The following CACNA2D3 variants were observed in gnomAD, a reference collection of about 807,000 sequenced individuals.
CACNA2D3 encodes the protein calcium voltage-gated channel auxiliary subunit alpha2delta 3.
A neutral mutation model predicts 160.6 loss-of-function variants in CACNA2D3; 60 were observed. That is an observed-to-expected ratio of 0.37 (90% CI 0.30 to 0.46). The LOEUF is 0.46. CACNA2D3 is among the 20% of genes least tolerant of loss of function. The pLI is 1.00. For synonymous variants in CACNA2D3, 558 were observed against 492.9 expected (o/e 1.13, Z -1.75); for missense variants, 1,205 against 1,365.0 (o/e 0.88, Z 1.85).
At chr3:54,723,021 C>T (rs561218156) in intron 11 of CACNA2D3, among the ~76,000 whole-genome samples, 270 of 152,346 alleles carry the variant, frequency 1.8e-3, no homozygotes, top group African/African-American at 6.1e-3. Flanking sequence ...GGTACTCTGT[C>T]CCAGAGAGAT....
chr3:54,612,637 G>A (rs72868869), intron 9 of CACNA2D3, among the ~76,000 whole-genome samples: 1,839 of 152,240 alleles, frequency 0.012, 45 homozygotes, highest in African/African-American at 0.042. Flanking sequence ...GGTGAGTAGA[G>A]ATATATTAAT....
intron 17 of CACNA2D3, among the ~76,000 whole-genome samples, chr3:54,859,710 G>A (rs375006036): frequency 7.4e-4 from 113 of 152,142 alleles, no homozygotes; most frequent in South Asian, 3.5e-3. Flanking sequence ...AATGACAAAC[G>A]GACCTACCAG....
At chr3:54,966,392 C>T (rs1702150813) in intron 27 of CACNA2D3, among the ~76,000 whole-genome samples, 1 of 152,192 alleles carries the variant, frequency 6.6e-6, no homozygotes, top group Non-Finnish European at 1.5e-5. Flanking sequence ...GAAATGTTCT[C>T]CAATGCTGGG....
intron 31 of CACNA2D3, among the ~76,000 whole-genome samples, chr3:54,999,887 C>G (rs1186013962): frequency 6.6e-6 from 1 of 152,206 alleles, no homozygotes; most frequent in African/African-American, 2.4e-5. Flanking sequence ...AGGCTCTACC[C>G]AGCATGGGTG....
At chr3:54,808,600 C>G (rs964261587) in intron 13 of CACNA2D3, among the ~76,000 whole-genome samples, 1 of 152,030 alleles carries the variant, frequency 6.6e-6, no homozygotes, top group African/African-American at 2.4e-5. Flanking sequence ...TGGGTAATGT[C>G]CAGATCATGG....
chr3:54,683,059 A>G (rs1700384240), intron 11 of CACNA2D3, among the ~76,000 whole-genome samples: 1 of 152,246 alleles, frequency 6.6e-6, no homozygotes, highest in Non-Finnish European at 1.5e-5. Context: ...TATAGATTGT[A>G]TCCTCTTCCC....
At chr3:54,746,772 C>G (rs1001641807) in intron 11 of CACNA2D3, among the ~76,000 whole-genome samples, 1 of 152,050 alleles carries the variant, frequency 6.6e-6, no homozygotes, top group Admixed American at 6.6e-5. Context: ...GTCTCCAAAC[C>G]TTCCTTTCCT....
Position 54,838,032 on chromosome 3 carries a change from T to A in CACNA2D3, c.1471-536T>A, listed in dbSNP as rs559387192. 2.0e-5 allele frequency among the ~76,000 whole-genome samples: 3 copies of A among 152,320 alleles called. No homozygotes were observed. In the East Asian group the frequency reaches 5.8e-4, roughly 29 times the overall value. ...ACTGAAAAGTTTTAGCAAATCACAA[T>A]GGCTACATGCCTTGGAAAATGGGGC... On this transcript the variant is annotated intron_variant, in intron 15 of 37. Transcript: ENST00000474759.
chr3:54,991,200 C>T (rs1189923830), intron 31 of CACNA2D3, among the ~76,000 whole-genome samples: 1 of 151,858 alleles, frequency 6.6e-6, no homozygotes, highest in Non-Finnish European at 1.5e-5. Flanking sequence ...AAATGTGGGG[C>T]CCTGTGTTCA....
chr3:54,926,326 A>T (rs1559632705), intron 27 of CACNA2D3, among the ~76,000 whole-genome samples: 1 of 152,192 alleles, frequency 6.6e-6, no homozygotes, highest in Non-Finnish European at 1.5e-5. Context: ...GAAGCTAGGC[A>T]CAGAAAAGCT....
chr3:54,486,393 A>T (rs1210459401), intron 4 of CACNA2D3, among the ~76,000 whole-genome samples: 1 of 152,172 alleles, frequency 6.6e-6, no homozygotes, highest in South Asian at 2.1e-4. Flanking sequence ...AGGGAAGCCA[A>T]CCTAACTGCA....
At chr3:54,461,364 C>T (rs1343042349) in intron 4 of CACNA2D3, among the ~76,000 whole-genome samples, 1 of 150,906 alleles carries the variant, frequency 6.6e-6, no homozygotes, top group African/African-American at 2.4e-5. Context: ...CCAGTTCCTC[C>T]TTGTACCTCT....
chr3:54,269,895 G>A (rs1228691499), intron 2 of CACNA2D3, among the ~76,000 whole-genome samples: 1 of 152,206 alleles, frequency 6.6e-6, no homozygotes, highest in Non-Finnish European at 1.5e-5. Flanking sequence ...TGACACTTGA[G>A]AAAAGACCTT....
intron 4 of CACNA2D3, among the ~76,000 whole-genome samples, chr3:54,412,621 T>TTTTTTTTTTTTA (rs1699687997): frequency 2.0e-5 from 3 of 149,266 alleles, no homozygotes; most frequent in Admixed American, 6.7e-5. Flanking sequence ...TTTTTTTTTT[T>TTTTTTTTTTTTA]AGTCTGACAA....
chr3:55,001,065 A>T lies in CACNA2D3; in HGVS notation c.2691-3698A>T, dbSNP rs151148797. 1.2e-3 allele frequency among the ~76,000 whole-genome samples: 179 copies of T among 152,268 alleles called. 1 individual carries two copies. Among genetic ancestry groups the T allele is most frequent in the Middle Eastern group, 6.8e-3 (2 of 294 alleles). On this transcript the variant is annotated intron_variant, in intron 31 of 37. Coordinates refer to ENST00000474759, the MANE Select transcript of CACNA2D3 (RefSeq NM_018398.3). The stretch of plus-strand genomic sequence containing the variant: ...AATGGAGATGATTATAATCTATCTT[A>T]TAGGGATGTGTTTAGAGGAGTACCT...
intron 2 of CACNA2D3, among the ~76,000 whole-genome samples, chr3:54,252,370 G>A (rs989329829): frequency 6.6e-6 from 1 of 152,154 alleles, no homozygotes; most frequent in Admixed American, 6.5e-5. Context: ...TATGATAGGA[G>A]CATGGGATCA....
chr3:54,868,265 A>C (rs1163962269), intron 17 of CACNA2D3, among the ~76,000 whole-genome samples: 2 of 152,180 alleles, frequency 1.3e-5, no homozygotes, highest in African/African-American at 4.8e-5. Flanking sequence ...AAAAGACCCA[A>C]ATGAAAAGTG....
intron 5 of CACNA2D3, among the ~76,000 whole-genome samples, chr3:54,534,960 C>G (rs558050361): frequency 2.0e-5 from 3 of 152,188 alleles, no homozygotes; most frequent in Non-Finnish European, 4.4e-5. Context: ...ATAAATGATT[C>G]CTATCTTCTC....
intron 14 of CACNA2D3, 146 bp downstream of exon 14, chr3:54,817,016 A>G: frequency 2.2e-6 from 2 of 906,528 alleles, no homozygotes; most frequent in Non-Finnish European, 3.4e-6. Flanking sequence ...GCAGGAACAG[A>G]GAGGCCAGCA....
Sources: gnomAD v4.1 joint callset for allele counts (sites outside exome capture counted in the v4.1 genomes callset) on GRCh38, gnomAD v4.1.1 for gene constraint, MANE v1.5 for transcripts, NCBI Gene and HGNC (gene_info 2026-07-23, HGNC 2026-07-21) for gene names.